The following MAGI1 variants were observed in gnomAD, a reference collection of about 807,000 sequenced individuals.
The protein encoded by MAGI1 is membrane-associated guanylate kinase, WW and PDZ domain-containing protein 1.
Under a neutral mutation model 139.9 loss-of-function variants are expected in MAGI1, and 58 were observed. That is an observed-to-expected ratio of 0.41 (90% CI 0.34 to 0.52). MAGI1 has a LOEUF of 0.52. MAGI1 is among the 20% of genes least tolerant of loss of function. The pLI, the probability that MAGI1 is intolerant of heterozygous loss-of-function variation, is 0.12. For synonymous variants in MAGI1, 812 were observed against 737.9 expected (o/e 1.10, Z -1.63); for missense variants, 1,874 against 1,901.6 (o/e 0.99, Z 0.27).
At chr3:65,881,627 CA>C (rs55964561) in intron 1 of MAGI1, among the ~76,000 whole-genome samples, 3,887 of 137,440 alleles carry the variant, frequency 0.028, 73 homozygotes, top group Middle Eastern at 0.048. Flanking sequence ...ACCCCTTCCT[CA>C]AAAAAAAAAA....
rs149309153 is a variant in MAGI1, at chr3:65,384,261, G to T, written c.2417-638C>A. On this transcript the variant is annotated intron_variant, in intron 14 of 22. Coordinates refer to ENST00000402939, the MANE Select transcript of MAGI1 (RefSeq NM_001033057.2). ...CATACAGTCAGTCCTCCATATCTGTGGGTTCTGCATCCTTAGATTCAACCA... is the reference window on the plus strand; with the variant it reads ...CATACAGTCAGTCCTCCATATCTGTTGGTTCTGCATCCTTAGATTCAACCA... Among the ~76,000 whole-genome samples, 1,043 of 152,214 alleles carry T rather than the reference G, an allele frequency of 6.9e-3. 5 individuals carry two copies. The highest frequency in any genetic ancestry group is 0.012 in the Non-Finnish European group (798 of 68,014).
At chr3:65,641,288 GA>G (rs1201547784) in intron 1 of MAGI1, among the ~76,000 whole-genome samples, 2 of 152,140 alleles carry the variant, frequency 1.3e-5, no homozygotes, top group Non-Finnish European at 2.9e-5. Context: ...AGTGGCAACC[GA>G]ATGTTGTTAC....
intron 2 of MAGI1, among the ~76,000 whole-genome samples, chr3:65,555,851 T>TCAAAA (rs1037984435): frequency 6.6e-6 from 1 of 152,086 alleles, no homozygotes; most frequent in African/African-American, 2.4e-5. Context: ...AGACCCTGTC[T>TCAAAA]CAAAACAAAA....
intron 1 of MAGI1, among the ~76,000 whole-genome samples, chr3:65,711,339 G>C (rs11922649): frequency 6.6e-6 from 1 of 152,048 alleles, no homozygotes; most frequent in Non-Finnish European, 1.5e-5. Flanking sequence ...CTTTGAACAG[G>C]CTTCAGATTT....
chr3:65,846,875 A>G (rs536504256), intron 1 of MAGI1, among the ~76,000 whole-genome samples: 5 of 150,148 alleles, frequency 3.3e-5, no homozygotes, highest in African/African-American at 1.2e-4. Flanking sequence ...GTTGACAAAT[A>G]TAATTATCTG....
At chr3:65,651,397 A>C (rs1326248912) in intron 1 of MAGI1, among the ~76,000 whole-genome samples, 1 of 152,192 alleles carries the variant, frequency 6.6e-6, no homozygotes, top group African/African-American at 2.4e-5. Flanking sequence ...GCCATACTCC[A>C]TGCAAGTCCA....
At chr3:66,028,043 G>T (rs562114617) in intron 1 of MAGI1, among the ~76,000 whole-genome samples, 1 of 152,286 alleles carries the variant, frequency 6.6e-6, no homozygotes, top group East Asian at 1.9e-4. Context: ...GAAGGCTCAT[G>T]CCTGTAATCC....
intron 1 of MAGI1, among the ~76,000 whole-genome samples, chr3:65,770,535 C>T (rs1361125399): frequency 1.3e-5 from 2 of 152,246 alleles, no homozygotes; most frequent in Middle Eastern, 3.4e-3. Context: ...GTAAATGATA[C>T]CTGTGTGCCT....
intron 1 of MAGI1, among the ~76,000 whole-genome samples, chr3:65,666,704 G>A (rs546032218): frequency 7.6e-4 from 116 of 152,094 alleles, no homozygotes; most frequent in Non-Finnish European, 1.4e-3. Context: ...TATCCTGCTG[G>A]TGGAGGCCAT....
intron 1 of MAGI1, among the ~76,000 whole-genome samples, chr3:66,023,185 TC>T (rs1468410577): frequency 6.6e-6 from 1 of 152,128 alleles, no homozygotes; most frequent in Non-Finnish European, 1.5e-5. Context: ...GAATATCCTA[TC>T]TAAAATTTGA....
At chr3:66,002,432 G>C (rs1005444338) in intron 1 of MAGI1, among the ~76,000 whole-genome samples, 1 of 152,088 alleles carries the variant, frequency 6.6e-6, no homozygotes, top group Non-Finnish European at 1.5e-5. Flanking sequence ...TCATGGGGTG[G>C]GGGGTGGTGG....
intron 13 of MAGI1, among the ~76,000 whole-genome samples, chr3:65,398,400 CT>C (rs765630984): frequency 6.6e-5 from 10 of 152,174 alleles, no homozygotes; most frequent in Middle Eastern, 3.4e-3. Context: ...ACTTGGAAGG[CT>C]AAGGCAAGAG....
chr3:66,011,910 T>A (rs1444894031), intron 1 of MAGI1, among the ~76,000 whole-genome samples: 1 of 151,836 alleles, frequency 6.6e-6, no homozygotes, highest in East Asian at 1.9e-4. Context: ...ATTTGGATTG[T>A]CCTTTTTTCA....
intron 1 of MAGI1, among the ~76,000 whole-genome samples, chr3:65,922,930 T>C (rs899631472): frequency 1.1e-5 from 1 of 90,430 alleles, no homozygotes; most frequent in African/African-American, 6.2e-5. Flanking sequence ...CTATACATAA[T>C]AGGAAAACAT....
At chr3:65,927,614 A>C (rs197099) in intron 1 of MAGI1, among the ~76,000 whole-genome samples, 36,001 of 152,104 alleles carry the variant, frequency 0.24, 4,453 homozygotes, top group African/African-American at 0.3. Flanking sequence ...TGAGAAATCA[A>C]AGCTATCAAT....
chr3:65,357,423 C>T (rs780904219), intron 22 of MAGI1, among the ~76,000 whole-genome samples: 76 of 152,114 alleles, frequency 5.0e-4, no homozygotes, highest in Non-Finnish European at 1.0e-3. Flanking sequence ...TTTAAAGGCA[C>T]AATCCAAATA....
chr3:65,602,567 T>A (rs1032223765), intron 2 of MAGI1, among the ~76,000 whole-genome samples: 4 of 152,112 alleles, frequency 2.6e-5, no homozygotes, highest in Admixed American at 6.6e-5. Context: ...TGACTATTAA[T>A]GCATATAGGG....
At chr3:65,564,970 TA>T (rs1181700071) in intron 2 of MAGI1, among the ~76,000 whole-genome samples, 1 of 152,182 alleles carries the variant, frequency 6.6e-6, no homozygotes, top group Non-Finnish European at 1.5e-5. Flanking sequence ...CCAGAGGACC[TA>T]AAAACAATCG....
intron 1 of MAGI1, among the ~76,000 whole-genome samples, chr3:65,827,637 C>T (rs2042298502): frequency 6.6e-6 from 1 of 152,146 alleles, no homozygotes; most frequent in Non-Finnish European, 1.5e-5. Flanking sequence ...TCAAAAGGGT[C>T]AAACACAGAT....
Sources: allele counts gnomAD v4.1 joint callset (sites outside exome capture counted in the v4.1 genomes callset), GRCh38; gene constraint gnomAD v4.1.1; transcripts MANE v1.5; gene names NCBI Gene and HGNC (gene_info 2026-07-23, HGNC 2026-07-21).